SCHIP1: variants seen among roughly 807,000 people sequenced by gnomAD.
The protein encoded by SCHIP1 is schwannomin interacting protein 1.
In SCHIP1, 8 loss-of-function variants were observed where a neutral mutation model predicts 29.7. That is an observed-to-expected ratio of 0.27 (90% CI 0.16 to 0.49). The LOEUF is 0.49. Ranked by LOEUF, SCHIP1 falls within the 20% of genes least tolerant of loss-of-function variation. The pLI is 0.99. For missense variants in SCHIP1, 193 were observed against 294.6 expected (o/e 0.66, Z 2.52); for synonymous variants, 76 against 94.9 (o/e 0.80, Z 1.16).
the SCHIP1 span, among the ~76,000 whole-genome samples, chr3:159,279,660 C>A: frequency 2.7e-5 from 4 of 146,116 alleles, no homozygotes; most frequent in African/African-American, 1.0e-4. Context: ...TTTACTGCAG[C>A]CTTGACCATT....
At chr3:159,286,488 G>T in the SCHIP1 span, among the ~76,000 whole-genome samples, 1 of 152,252 alleles carries the variant, frequency 6.6e-6, no homozygotes, top group African/African-American at 2.4e-5. Flanking sequence ...AGGCATTTAG[G>T]TTGACTCTGT....
At chr3:159,785,286 C>G in the SCHIP1 span, among the ~76,000 whole-genome samples, 4 of 152,168 alleles carry the variant, frequency 2.6e-5, no homozygotes, top group Non-Finnish European at 5.9e-5. Flanking sequence ...TTTTATACAC[C>G]TACCAATGGC....
At chr3:159,568,437 CTT>C in the SCHIP1 span, among the ~76,000 whole-genome samples, 588 of 152,166 alleles carry the variant, frequency 3.9e-3, 4 homozygotes, top group African/African-American at 0.014. Flanking sequence ...ATTTCACAAA[CTT>C]AATAAAATTC....
chr3:159,286,875 GAA>G, the SCHIP1 span, among the ~76,000 whole-genome samples: 1 of 152,102 alleles, frequency 6.6e-6, no homozygotes, highest in South Asian at 2.1e-4. Flanking sequence ...GTCTTCTTTT[GAA>G]AAGTGTCTGT....
the SCHIP1 span, among the ~76,000 whole-genome samples, chr3:159,520,805 G>A: frequency 6.6e-6 from 1 of 152,062 alleles, no homozygotes; most frequent in South Asian, 2.1e-4. Flanking sequence ...TAATATTTGT[G>A]TTTACGTAAT....
At chr3:159,557,899 T>A in the SCHIP1 span, among the ~76,000 whole-genome samples, 1 of 152,194 alleles carries the variant, frequency 6.6e-6, no homozygotes, top group South Asian at 2.1e-4. Flanking sequence ...CCCATCCAGG[T>A]CTTTCGTGCA....
the SCHIP1 span, among the ~76,000 whole-genome samples, chr3:159,818,661 C>T: frequency 6.6e-6 from 1 of 152,348 alleles, no homozygotes; most frequent in Admixed American, 6.5e-5. Context: ...CTTTGCAATC[C>T]TGATCTTATG....
the SCHIP1 span, among the ~76,000 whole-genome samples, chr3:159,611,251 G>A: frequency 2.5e-4 from 38 of 152,234 alleles, no homozygotes; most frequent in East Asian, 6.0e-3. Flanking sequence ...TATGATTCCA[G>A]TTCTTATGAA....
the SCHIP1 span, among the ~76,000 whole-genome samples, chr3:159,724,231 C>A: frequency 6.6e-6 from 1 of 152,078 alleles, no homozygotes; most frequent in Non-Finnish European, 1.5e-5. Flanking sequence ...AGTAATCATA[C>A]TTTTCTCATT....
At chr3:159,336,572 T>C in the SCHIP1 span, among the ~76,000 whole-genome samples, 1 of 152,186 alleles carries the variant, frequency 6.6e-6, no homozygotes, top group East Asian at 1.9e-4. Flanking sequence ...GGCTAGCCAG[T>C]TTTCCCAGCT....
At chr3:159,578,638 T>G in the SCHIP1 span, among the ~76,000 whole-genome samples, 3 of 152,180 alleles carry the variant, frequency 2.0e-5, no homozygotes, top group Non-Finnish European at 2.9e-5. Flanking sequence ...GACTCTTTCC[T>G]TACTTTTTCC....
At chr3:159,290,078 G>A in the SCHIP1 span, among the ~76,000 whole-genome samples, 1 of 152,160 alleles carries the variant, frequency 6.6e-6, no homozygotes, top group Non-Finnish European at 1.5e-5. Flanking sequence ...GACCTAAGAC[G>A]ATGACATTGG....
intron 2 of SCHIP1, among the ~76,000 whole-genome samples, chr3:159,870,704 C>A (rs1715163448): frequency 6.6e-6 from 1 of 151,508 alleles, no homozygotes; most frequent in African/African-American, 2.4e-5. Context: ...TTATTTGTAA[C>A]ATTTTGTTTA....
the SCHIP1 span, among the ~76,000 whole-genome samples, chr3:159,740,111 A>G: frequency 1.3e-5 from 2 of 152,246 alleles, no homozygotes; most frequent in Admixed American, 1.3e-4. Context: ...AGTGGCCCCC[A>G]GACTGACCTC....
chr3:159,310,165 TG>T, the SCHIP1 span, among the ~76,000 whole-genome samples: 1 of 152,116 alleles, frequency 6.6e-6, no homozygotes, highest in African/African-American at 2.4e-5. Flanking sequence ...TCTTTCTGCC[TG>T]ACCAGGGCAA....
chr3:159,895,907 G>A (rs1013370136), intron 6 of SCHIP1, among the ~76,000 whole-genome samples: 2 of 152,140 alleles, frequency 1.3e-5, no homozygotes, highest in East Asian at 3.9e-4. Flanking sequence ...TGTTGGCCAG[G>A]CTGGTCTCAA....
At chr3:159,803,147 A>C in the SCHIP1 span, among the ~76,000 whole-genome samples, 1,002 of 152,062 alleles carry the variant, frequency 6.6e-3, 16 homozygotes, top group African/African-American at 0.023. Context: ...TCTTATCCTA[A>C]GCATCCATAT....
chr3:159,686,536 G>T, the SCHIP1 span, among the ~76,000 whole-genome samples: 1 of 152,024 alleles, frequency 6.6e-6, no homozygotes, highest in Non-Finnish European at 1.5e-5. Context: ...TAAGATATTG[G>T]AATTACCACA....
chr3:159,671,493 G>A, the SCHIP1 span, among the ~76,000 whole-genome samples: 1 of 152,052 alleles, frequency 6.6e-6, no homozygotes, highest in Non-Finnish European at 1.5e-5. Flanking sequence ...TCAAATCATT[G>A]TATCTCATAA....
Sources: allele counts gnomAD v4.1 joint callset (sites outside exome capture counted in the v4.1 genomes callset), GRCh38; gene constraint gnomAD v4.1.1; transcripts MANE v1.5; gene names NCBI Gene and HGNC (gene_info 2026-07-23, HGNC 2026-07-21).